Variants in CNTLN observed in about 807,000 individuals in gnomAD.
The protein encoded by CNTLN is centlein.
Under a neutral mutation model 180.0 loss-of-function variants are expected in CNTLN, and 212 were observed. The ratio of observed to expected loss-of-function variants is 1.18; its 90% CI spans 1.05 to 1.32. The LOEUF is 1.32. Ranked by LOEUF, CNTLN falls within the 40% of genes most tolerant of loss-of-function variation. The pLI is 0.00. For synonymous variants in CNTLN, 722 were observed against 563.1 expected (o/e 1.28, Z -3.99); for missense variants, 2,095 against 1,610.9 (o/e 1.30, Z -5.14).
chr9:17,293,862 A>G (rs1476065906), intron 6 of CNTLN, among the ~76,000 whole-genome samples: 1 of 151,982 alleles, frequency 6.6e-6, no homozygotes, highest in Non-Finnish European at 1.5e-5. Context: ...CCCTGGTGGC[A>G]TGGGCTCATT....
intron 13 of CNTLN, among the ~76,000 whole-genome samples, chr9:17,377,242 A>T (rs921477395): frequency 6.6e-6 from 1 of 152,144 alleles, no homozygotes; most frequent in African/African-American, 2.4e-5. Context: ...TTTCTTGATT[A>T]GCCAGATAAA....
chr9:17,160,628 C>A (rs1819613814), intron 2 of CNTLN, among the ~76,000 whole-genome samples: 1 of 152,164 alleles, frequency 6.6e-6, no homozygotes, highest in Non-Finnish European at 1.5e-5. Flanking sequence ...TTATTGATTT[C>A]TTTTCCAAAT....
chr9:17,352,148 A>G (rs949855048), intron 12 of CNTLN, among the ~76,000 whole-genome samples: 4 of 152,022 alleles, frequency 2.6e-5, no homozygotes, highest in Admixed American at 1.3e-4. Flanking sequence ...CTTTATTTCA[A>G]TGATCTTTTG....
chr9:17,429,432 A>G (rs545725621), intron 18 of CNTLN, among the ~76,000 whole-genome samples: 114 of 152,208 alleles, frequency 7.5e-4, no homozygotes, highest in African/African-American at 2.6e-3. Flanking sequence ...TCAATTAATC[A>G]TCTTCAGAAC....
At chr9:17,334,180 C>T (rs923894814) in intron 10 of CNTLN, among the ~76,000 whole-genome samples, 1 of 152,060 alleles carries the variant, frequency 6.6e-6, no homozygotes, top group African/African-American at 2.4e-5. Flanking sequence ...CTGTCTCAGC[C>T]CCCCGAGTAG....
chr9:17,283,721 T>C (rs1828804142), intron 6 of CNTLN, among the ~76,000 whole-genome samples: 1 of 152,188 alleles, frequency 6.6e-6, no homozygotes, highest in South Asian at 2.1e-4. Flanking sequence ...CAGTATGATA[T>C]TGGCTGTGGG....
intron 1 of CNTLN, among the ~76,000 whole-genome samples, chr9:17,139,651 C>A (rs1016066308): frequency 2.7e-5 from 4 of 150,342 alleles, no homozygotes; most frequent in Admixed American, 6.6e-5. Flanking sequence ...CAGAGTGAGA[C>A]TTTGTCTCAA....
chr9:17,307,206 G>A (rs1759458), intron 7 of CNTLN, among the ~76,000 whole-genome samples: 27,173 of 152,010 alleles, frequency 0.18, 2,747 homozygotes, highest in South Asian at 0.28. Flanking sequence ...TTAAAAGATT[G>A]CCTAGACTTT....
At position 17,174,698 on chromosome 9, in the gene CNTLN, G is replaced by GAAAAAAA. The variant is rs34784210; in HGVS notation, c.449+31332_449+31338dup. On this transcript the variant is annotated intron_variant, in intron 2 of 25. Coordinates refer to ENST00000380647, the MANE Select transcript of CNTLN (RefSeq NM_017738.4). ...GCAACAGCACGAGACTCCGTCTCAG[G>GAAAAAAA]AAAAAAAAAAAAAAAAGAAAGAAAT... is the stretch of plus-strand genomic sequence containing the variant. Among the ~76,000 whole-genome samples, 36 of 124,444 alleles carry GAAAAAAA rather than the reference G, an allele frequency of 2.9e-4. 1 individual carries two copies. The highest frequency in any genetic ancestry group is 1.0e-3 in the African/African-American group (35 of 33,978). The allele number at this position is 124,444 out of a possible 152,430, so 81.6% of individuals were successfully genotyped here.
At chr9:17,471,074 A>G (rs1240974387) in intron 23 of CNTLN, among the ~76,000 whole-genome samples, 1 of 152,086 alleles carries the variant, frequency 6.6e-6, no homozygotes, top group African/African-American at 2.4e-5. Context: ...GTTTAGAGAA[A>G]AGTTTCATAA....
intron 13 of CNTLN, among the ~76,000 whole-genome samples, chr9:17,385,247 A>C (rs1825596233): frequency 6.6e-6 from 1 of 152,184 alleles, no homozygotes; most frequent in Non-Finnish European, 1.5e-5. Flanking sequence ...GAATTTCTCC[A>C]AACTCCACAG....
chr9:17,318,370 G>T (rs551835778), intron 8 of CNTLN, among the ~76,000 whole-genome samples: 22 of 152,218 alleles, frequency 1.4e-4, no homozygotes, highest in African/African-American at 4.8e-4. Context: ...ATGCATTGCA[G>T]AAAACAGAAT....
intron 8 of CNTLN, among the ~76,000 whole-genome samples, chr9:17,328,300 C>T (rs1000449032): frequency 6.6e-6 from 1 of 152,150 alleles, no homozygotes; most frequent in South Asian, 2.1e-4. Flanking sequence ...TACCCACTAC[C>T]ACATTCTCAA....
intron 2 of CNTLN, among the ~76,000 whole-genome samples, chr9:17,202,356 G>T (rs956923126): frequency 4.6e-5 from 7 of 152,104 alleles, no homozygotes; most frequent in Admixed American, 3.9e-4. Flanking sequence ...AGTTCCCCTT[G>T]GTCCAGAGCT....
intron 7 of CNTLN, chr9:17,299,058 A>G (rs1587566596): frequency 3.2e-5 from 13 of 407,610 alleles, no homozygotes; most frequent in Non-Finnish European, 4.3e-5. Context: ...CCTGGCCAAC[A>G]TGATGAAACC....
At chr9:17,318,365 T>C (rs918093519) in intron 8 of CNTLN, among the ~76,000 whole-genome samples, 2 of 152,054 alleles carry the variant, frequency 1.3e-5, no homozygotes, top group Admixed American at 1.3e-4. Context: ...TCTGGATGCA[T>C]TGCAGAAAAC....
intron 25 of CNTLN, 143 bp from the exon 26 acceptor site, chr9:17,502,408 C>A (rs1833797935): frequency 9.1e-6 from 4 of 437,314 alleles, no homozygotes; most frequent in South Asian, 4.5e-5. Context: ...CCAGCAAGAT[C>A]AGTAGAAAAG....
At chr9:17,505,730 AAT>A (rs1833921917), downstream of CNTLN, among the ~76,000 whole-genome samples, 1 of 152,140 alleles carries the variant, frequency 6.6e-6, no homozygotes, top group African/African-American at 2.4e-5. Flanking sequence ...GATTTAACAC[AAT>A]TCCTACCAAC....
intron 10 of CNTLN, among the ~76,000 whole-genome samples, chr9:17,337,375 G>C (rs953194071): frequency 2.0e-5 from 3 of 152,126 alleles, no homozygotes; most frequent in African/African-American, 7.2e-5. Context: ...TAGTCATAAA[G>C]TCTTCGCCCA....
Sources: allele counts gnomAD v4.1 joint callset (sites outside exome capture counted in the v4.1 genomes callset), GRCh38; gene constraint gnomAD v4.1.1; transcripts MANE v1.5; gene names NCBI Gene and HGNC (gene_info 2026-07-23, HGNC 2026-07-21).